The following KCNIP4 variants were observed in gnomAD, a reference collection of about 807,000 sequenced individuals.
The protein encoded by KCNIP4 is Kv channel-interacting protein 4.
A neutral mutation model predicts 34.0 loss-of-function variants in KCNIP4; 12 were observed. That is an observed-to-expected ratio of 0.35 (90% confidence interval 0.23 to 0.57). KCNIP4 has a LOEUF of 0.57. KCNIP4 is among the 20% of genes least tolerant of loss of function. The pLI is 0.83. For synonymous variants in KCNIP4, 124 were observed against 102.2 expected (o/e 1.21, Z -1.29); for missense variants, 238 against 311.7 (o/e 0.76, Z 1.78).
chr4:21,026,196 A>G (rs1740545207), intron 1 of KCNIP4, among the ~76,000 whole-genome samples: 1 of 152,162 alleles, frequency 6.6e-6, no homozygotes, highest in African/African-American at 2.4e-5. Context: ...AGAGACTGAG[A>G]TCTAGATATT....
intron 1 of KCNIP4, among the ~76,000 whole-genome samples, chr4:21,022,858 C>G (rs1740196955): frequency 6.6e-6 from 1 of 152,060 alleles, no homozygotes; most frequent in African/African-American, 2.4e-5. Flanking sequence ...TGGAGTCTTG[C>G]TTTTTCGCCC....
chr4:21,457,753 C>A (rs73105840), intron 1 of KCNIP4, among the ~76,000 whole-genome samples: 10,721 of 152,062 alleles, frequency 0.071, 634 homozygotes, highest in African/African-American at 0.16. Flanking sequence ...TATCAAAAAG[C>A]AAATGCCAAC....
intron 1 of KCNIP4, among the ~76,000 whole-genome samples, chr4:21,947,443 C>T (rs1247623974): frequency 6.6e-6 from 1 of 152,178 alleles, no homozygotes; most frequent in South Asian, 2.1e-4. Flanking sequence ...TTTAAAATTT[C>T]ATATTCAAGT....
intron 1 of KCNIP4, among the ~76,000 whole-genome samples, chr4:21,288,329 C>T (rs1763239148): frequency 6.6e-6 from 1 of 151,926 alleles, no homozygotes; most frequent in South Asian, 2.1e-4. Flanking sequence ...TATGATTAGG[C>T]TATAGGCAAA....
chr4:21,549,436 G>A (rs969700369), intron 1 of KCNIP4, among the ~76,000 whole-genome samples: 10 of 151,860 alleles, frequency 6.6e-5, no homozygotes, highest in African/African-American at 2.4e-4. Flanking sequence ...ATTACTTACT[G>A]TGACATCTGG....
chr4:21,379,889 C>T (rs1290568880), intron 1 of KCNIP4, among the ~76,000 whole-genome samples: 2 of 151,504 alleles, frequency 1.3e-5, no homozygotes, highest in African/African-American at 2.4e-5. Flanking sequence ...CCCCATCACC[C>T]ACTTCCCCAC....
chr4:21,637,526 T>C (rs1441418123), intron 1 of KCNIP4, among the ~76,000 whole-genome samples: 1 of 152,072 alleles, frequency 6.6e-6, no homozygotes, highest in African/African-American at 2.4e-5. Context: ...TGTAAGCATG[T>C]AATCCCAGCA....
chr4:21,354,517 G>A (rs1476778730), intron 1 of KCNIP4, among the ~76,000 whole-genome samples: 2 of 151,980 alleles, frequency 1.3e-5, no homozygotes, highest in Admixed American at 6.6e-5. Flanking sequence ...GATAAAATAG[G>A]CTTTAAACCA....
At chr4:20,771,344 C>A (rs1041463537) in intron 3 of KCNIP4, among the ~76,000 whole-genome samples, 5 of 152,176 alleles carry the variant, frequency 3.3e-5, no homozygotes, top group Non-Finnish European at 4.4e-5. Flanking sequence ...ACTATGATTT[C>A]TGGACTCCTT....
chr4:21,350,780 G>A (rs920344269), intron 1 of KCNIP4, among the ~76,000 whole-genome samples: 75 of 152,148 alleles, frequency 4.9e-4, no homozygotes, highest in African/African-American at 1.8e-3. Context: ...CATGGGCGAA[G>A]TGAATTTTTT....
At chr4:21,898,329 A>G (rs1324778257) in intron 1 of KCNIP4, among the ~76,000 whole-genome samples, 1 of 152,128 alleles carries the variant, frequency 6.6e-6, no homozygotes, top group Admixed American at 6.5e-5. Context: ...TGATTGCATC[A>G]TCATGCTTCC....
chr4:20,741,430 C>A (rs536004440), intron 5 of KCNIP4, among the ~76,000 whole-genome samples: 1 of 152,198 alleles, frequency 6.6e-6, no homozygotes, highest in African/African-American at 2.4e-5. Flanking sequence ...CAAAACTGCA[C>A]AACTACTTGG....
At position 21,181,303 on chromosome 4, in the gene KCNIP4, T is replaced by C. The variant is rs145894290; in HGVS notation, c.62-298594A>G. Among the ~76,000 whole-genome samples, 18 of 152,200 alleles carry C rather than the reference T, an allele frequency of 1.2e-4. 1 individual carries two copies. The East Asian group carries it at 3.1e-3, about 26-fold the overall frequency. ...ATTTGATTAAGTGTCCATGCTTGGC[T>C]CCAAACATGGAAACTGGGAAGCTAA... On this transcript the variant is annotated intron_variant, in intron 1 of 8. Transcript: ENST00000382152.
chr4:20,831,139 T>C (rs1029912548), intron 3 of KCNIP4, among the ~76,000 whole-genome samples: 7 of 152,220 alleles, frequency 4.6e-5, no homozygotes, highest in Non-Finnish European at 1.0e-4. Flanking sequence ...CATTTTTGTG[T>C]GTGTATCTAT....
intron 1 of KCNIP4, among the ~76,000 whole-genome samples, chr4:21,642,409 A>G (rs1220627900): frequency 2.6e-5 from 4 of 152,138 alleles, no homozygotes; most frequent in Non-Finnish European, 4.4e-5. Flanking sequence ...AGACTCGGTT[A>G]CAGTGTCAGC....
intron 1 of KCNIP4, among the ~76,000 whole-genome samples, chr4:21,264,244 C>G (rs1354154727): frequency 2.2e-5 from 2 of 91,040 alleles, no homozygotes; most frequent in East Asian, 6.4e-4. Flanking sequence ...AGACAACAGT[C>G]TGGAAAACAT....
intron 1 of KCNIP4, among the ~76,000 whole-genome samples, chr4:21,232,263 A>G (rs2109022994): frequency 6.6e-6 from 1 of 152,258 alleles, no homozygotes; most frequent in African/African-American, 2.4e-5. Flanking sequence ...ACAGAAGAGA[A>G]ATGTAATCGA....
At chr4:20,881,624 C>T (rs1724694280) in intron 2 of KCNIP4, among the ~76,000 whole-genome samples, 1 of 152,088 alleles carries the variant, frequency 6.6e-6, no homozygotes, top group African/African-American at 2.4e-5. Flanking sequence ...TTTAGATATT[C>T]CTCTATTTTC....
chr4:21,133,692 A>T (rs1751273739), intron 1 of KCNIP4, among the ~76,000 whole-genome samples: 1 of 152,196 alleles, frequency 6.6e-6, no homozygotes, highest in African/African-American at 2.4e-5. Context: ...AGACAATTTT[A>T]AAAATATTAC....
Sources: allele counts gnomAD v4.1 joint callset (sites outside exome capture counted in the v4.1 genomes callset), GRCh38; gene constraint gnomAD v4.1.1; transcripts MANE v1.5; gene names NCBI Gene and HGNC (gene_info 2026-07-23, HGNC 2026-07-21).